Variants in WIPF2 observed in about 807,000 individuals in gnomAD.
WIPF2 encodes the protein WAS/WASL-interacting protein family member 2.
In WIPF2, 23 loss-of-function variants were observed where a neutral mutation model predicts 38.8. The observed-to-expected ratio is 0.59, with a 90% confidence interval of 0.43 to 0.84. The LOEUF (loss-of-function observed/expected upper bound fraction) is 0.84, where lower values mean the gene tolerates loss of function less well. WIPF2 is among the 40% of genes least tolerant of loss of function. WIPF2 has a pLI of 0.00. For missense variants in WIPF2, 574 were observed against 580.5 expected (o/e 0.99, Z 0.11); for synonymous variants, 210 against 223.2 (o/e 0.94, Z 0.53).
chr17:40,267,090 TGG>T (rs2145394632), intron 5 of WIPF2, among the ~76,000 whole-genome samples: 1 of 152,066 alleles, frequency 6.6e-6, no homozygotes, highest in South Asian at 2.1e-4. Context: ...GGAGTGTGGG[TGG>T]ACTAGGGAAG....
At chr17:40,246,093 CTTTT>C (rs552563309) in intron 1 of WIPF2, among the ~76,000 whole-genome samples, 4 of 140,404 alleles carry the variant, frequency 2.8e-5, no homozygotes, top group African/African-American at 5.2e-5. Context: ...CAATGCTACT[CTTTT>C]TTTTTTTTTT....
intron 1 of WIPF2, among the ~76,000 whole-genome samples, chr17:40,234,857 C>T (rs780480558): frequency 3.3e-5 from 5 of 152,050 alleles, no homozygotes; most frequent in Non-Finnish European, 5.9e-5. Flanking sequence ...CGCACGCTCT[C>T]GTTGCTACTG....
At chr17:40,254,418 C>G (rs193006562) in intron 1 of WIPF2, among the ~76,000 whole-genome samples, 19 of 152,148 alleles carry the variant, frequency 1.2e-4, no homozygotes, top group Admixed American at 7.2e-4. Context: ...GTAAGTTGTA[C>G]TCATGGTGGC....
At chr17:40,276,023 T>C (rs9892946) in intron 6 of WIPF2, among the ~76,000 whole-genome samples, 22,146 of 152,188 alleles carry the variant, frequency 0.15, 1,695 homozygotes, top group East Asian at 0.3. Context: ...AAATTTGAGC[T>C]TTCTGATGGA....
intron 5 of WIPF2, among the ~76,000 whole-genome samples, chr17:40,272,038 A>C (rs1406357153): frequency 7.0e-6 from 1 of 142,276 alleles, no homozygotes; most frequent in Non-Finnish European, 1.5e-5. Context: ...TTTTTTTTTG[A>C]GGCAGAGTTT....
At chr17:40,250,324 G>C (rs979748497) in intron 1 of WIPF2, among the ~76,000 whole-genome samples, 1 of 136,460 alleles carries the variant, frequency 7.3e-6, no homozygotes, top group Non-Finnish European at 1.5e-5. Flanking sequence ...TCTGCCTCCC[G>C]GGTTCACGCC....
intron 3 of WIPF2, among the ~76,000 whole-genome samples, chr17:40,261,234 T>C (rs1045046011): frequency 2.0e-5 from 3 of 152,100 alleles, no homozygotes; most frequent in African/African-American, 7.2e-5. Flanking sequence ...CCTGATTCTT[T>C]AGCCTTCTAT....
At chr17:40,273,608 C>T (rs1301746546) in intron 5 of WIPF2, 182 bp from the exon 6 acceptor site, 2 of 575,664 alleles carry the variant, frequency 3.5e-6, no homozygotes, top group Non-Finnish European at 6.3e-6. Context: ...AAAGGCCATA[C>T]ATTTATTCTG....
At chr17:40,247,904 T>G (rs1321829242) in intron 1 of WIPF2, among the ~76,000 whole-genome samples, 2 of 152,208 alleles carry the variant, frequency 1.3e-5, no homozygotes, top group Admixed American at 1.3e-4. Context: ...TGGGTGAAAT[T>G]GCTGTCGAAT....
chr17:40,250,306 C>T (rs2031516953), intron 1 of WIPF2, among the ~76,000 whole-genome samples: 2 of 139,926 alleles, frequency 1.4e-5, no homozygotes, highest in Non-Finnish European at 1.5e-5. Context: ...TCTCGGCTCA[C>T]TGCAAGCTCT....
chr17:40,243,662 CG>C (rs2031266264), intron 1 of WIPF2, among the ~76,000 whole-genome samples: 1 of 151,768 alleles, frequency 6.6e-6, no homozygotes, highest in Non-Finnish European at 1.5e-5. Flanking sequence ...TACAGGCATA[CG>C]CCACCACACC....
At chr17:40,272,726 T>C (rs1270074652) in intron 5 of WIPF2, among the ~76,000 whole-genome samples, 1 of 152,150 alleles carries the variant, frequency 6.6e-6, no homozygotes, top group African/African-American at 2.4e-5. Context: ...GAGCAAAGCA[T>C]ATAATTTGGT....
intron 5 of WIPF2, among the ~76,000 whole-genome samples, chr17:40,265,553 T>G (rs942190911): frequency 2.6e-5 from 4 of 152,092 alleles, no homozygotes; most frequent in Non-Finnish European, 4.4e-5. Context: ...GAACAGCTGT[T>G]GCAGGCAGTG....
rs2032503777 is a variant in WIPF2, at chr17:40,279,748, A to G, written c.*1523A>G. ...AGCGTGGCATGAGAGCAAGGAGACC[A>G]TGGCTACTCTTTGAAATGGATGGGG... On this transcript the variant is annotated 3_prime_UTR_variant, in exon 8 of 8. Coordinates refer to ENST00000323571, the MANE Select transcript of WIPF2 (RefSeq NM_133264.5). 1 of 151,336 alleles carries G rather than the reference A, an allele frequency of 6.6e-6. No individual in the cohort carries two copies. The highest frequency in any genetic ancestry group is 2.4e-5 in the African/African-American group (1 of 40,952). 9.4% of individuals were successfully genotyped at this position (151,336 alleles called of 1,614,324 possible).
At chr17:40,268,716 C>G (rs2032162422) in intron 5 of WIPF2, among the ~76,000 whole-genome samples, 1 of 152,080 alleles carries the variant, frequency 6.6e-6, no homozygotes, top group African/African-American at 2.4e-5. Context: ...CAGATGTGAG[C>G]AATTGTACCT....
At position 40,283,913 on chromosome 17, in the gene WIPF2, C is replaced by G. The variant is rs1489072683; in HGVS notation, c.*5688C>G. ...GCTTAACTTGCACTTTCATCACTAG[C>G]AAAGGTCTTGAAGTTATTTCTCTTA... On this transcript the variant is annotated 3_prime_UTR_variant, in exon 8 of 8. Transcript: ENST00000323571. 2 of 152,056 alleles carry G rather than the reference C, an allele frequency of 1.3e-5. No individual in the cohort carries two copies. Among genetic ancestry groups the G allele is most frequent in the Non-Finnish European group, 2.9e-5 (2 of 68,034 alleles). The allele number at this position is 152,056 out of a possible 1,614,324, so 9.4% of individuals were successfully genotyped here.
At position 40,254,176 on chromosome 17, in the gene WIPF2, C is replaced by T. The variant is rs539599731; in HGVS notation, c.-69-2215C>T. On this transcript the variant is annotated intron_variant, in intron 1 of 7. Coordinates refer to ENST00000323571, the MANE Select transcript of WIPF2 (RefSeq NM_133264.5). Reference sequence around the variant, plus strand: ...GGATTACAGGTGTGCACAACCATGCCGGGCTAATTTTTGTATTTTTGGTAG... The same window carrying T: ...GGATTACAGGTGTGCACAACCATGCTGGGCTAATTTTTGTATTTTTGGTAG... 7.2e-5 allele frequency among the ~76,000 whole-genome samples: 11 copies of T among 152,114 alleles called. No individual in the cohort carries two copies. In the South Asian group the frequency reaches 1.5e-3, roughly 20 times the overall value.
chr17:40,279,470 T>A lies in WIPF2; in HGVS notation c.*1245T>A, dbSNP rs945432837. ...GCTTATGAAGATATTCAGATACTCT[T>A]CTATGCCAGGAAGCACAAAGACTTT... On this transcript the variant is annotated 3_prime_UTR_variant, in exon 8 of 8. Coordinates refer to ENST00000323571, the MANE Select transcript of WIPF2 (RefSeq NM_133264.5). 1 of 152,684 alleles carries A rather than the reference T, an allele frequency of 6.5e-6. No homozygotes were observed. The highest frequency in any genetic ancestry group is 2.4e-5 in the African/African-American group (1 of 41,464). The allele number at this position is 152,684 out of a possible 1,614,324, so 9.5% of individuals were successfully genotyped here. A position where few individuals can be genotyped will look rare whatever the true frequency, so the allele number is the denominator to read the frequency against.
chr17:40,277,739 T>TTTTTTTTTTTTTTTTTTTTTTTTC (rs1214706671), intron 7 of WIPF2, among the ~76,000 whole-genome samples: 11 of 147,428 alleles, frequency 7.5e-5, no homozygotes, highest in African/African-American at 2.9e-4. Flanking sequence ...TTTTTTTTTT[T>TTTTTTTTTTTTTTTTTTTTTTTTC]TTTGAGATAG....
Sources: gnomAD v4.1 joint callset for allele counts (sites outside exome capture counted in the v4.1 genomes callset) on GRCh38, gnomAD v4.1.1 for gene constraint, MANE v1.5 for transcripts, NCBI Gene and HGNC (gene_info 2026-07-23, HGNC 2026-07-21) for gene names.